The following PTPRD variants were observed in gnomAD, a reference collection of about 807,000 sequenced individuals.
The protein encoded by PTPRD is protein tyrosine phosphatase receptor type D.
PTPRD carries 34 observed loss-of-function variants against 214.5 expected under a neutral mutation model. The ratio of observed to expected loss-of-function variants is 0.16; its 90% CI spans 0.12 to 0.21. PTPRD has a LOEUF of 0.21. PTPRD is among the 10% of genes least tolerant of loss of function. The pLI is 1.00. For missense variants in PTPRD, 2,545 were observed against 2,398.7 expected (o/e 1.06, Z -1.27); for synonymous variants, 1,128 against 845.7 (o/e 1.33, Z -5.79).
chr9:9,665,866 T>C (rs1279239312), intron 7 of PTPRD, among the ~76,000 whole-genome samples: 1 of 151,918 alleles, frequency 6.6e-6, no homozygotes, highest in East Asian at 1.9e-4. Context: ...TAATTGGTAA[T>C]TTGATTGAAG....
rs2058162511 is a variant in PTPRD, at chr9:10,537,713, T to C, written c.-600+74685A>G. Among the ~76,000 whole-genome samples, 4 of 152,300 alleles carry C rather than the reference T, an allele frequency of 2.6e-5. No individual in the cohort carries two copies. The South Asian group carries it at 8.3e-4, about 32-fold the overall frequency. On this transcript the variant is annotated intron_variant, in intron 2 of 45. Coordinates refer to ENST00000381196, the MANE Select transcript of PTPRD (RefSeq NM_002839.4). ...TTCAGTGAGTTTCTGATTATATCCATATTTATATTTATCATCATAATGTCT... is the reference window on the plus strand; with the variant it reads ...TTCAGTGAGTTTCTGATTATATCCACATTTATATTTATCATCATAATGTCT...
chr9:9,176,457 A>C (rs2099924928), intron 10 of PTPRD, among the ~76,000 whole-genome samples: 1 of 152,116 alleles, frequency 6.6e-6, no homozygotes, highest in Non-Finnish European at 1.5e-5. Flanking sequence ...TTTATTAGGT[A>C]ATTTCCAACT....
In PTPRD at chr9:8,977,409, T is replaced by C. The variant is rs142016239; in HGVS notation, c.-104+41288A>G. On this transcript the variant is annotated intron_variant, in intron 11 of 45. Coordinates refer to ENST00000381196, the MANE Select transcript of PTPRD (RefSeq NM_002839.4). ...GGTTCTATTTAGTATTTCTAAATTA[T>C]CTTGTTCTAGCTCTCTTCATACATT... 2.6e-4 allele frequency among the ~76,000 whole-genome samples: 40 copies of C among 152,232 alleles called. No individual in the cohort carries two copies. The East Asian group carries it at 7.4e-3, about 28-fold the overall frequency.
chr9:9,622,131 T>C (rs2095264334), intron 7 of PTPRD, among the ~76,000 whole-genome samples: 1 of 152,238 alleles, frequency 6.6e-6, no homozygotes, highest in Non-Finnish European at 1.5e-5. Flanking sequence ...TGTGATTGTT[T>C]ATCAGATAGG....
At chr9:9,500,531 G>T (rs964527829) in intron 8 of PTPRD, among the ~76,000 whole-genome samples, 3 of 152,040 alleles carry the variant, frequency 2.0e-5, no homozygotes, top group Non-Finnish European at 4.4e-5. Flanking sequence ...TAGGGTATCA[G>T]GTAGGAGAGA....
intron 3 of PTPRD, among the ~76,000 whole-genome samples, chr9:10,092,083 G>A (rs1159793018): frequency 1.3e-5 from 2 of 151,348 alleles, no homozygotes; most frequent in Non-Finnish European, 3.0e-5. Flanking sequence ...ACCATATAAT[G>A]TATTTTCTGC....
At chr9:9,138,263 A>T (rs139344722) in intron 10 of PTPRD, among the ~76,000 whole-genome samples, 98 of 152,230 alleles carry the variant, frequency 6.4e-4, no homozygotes, top group Non-Finnish European at 1.2e-3. Flanking sequence ...CAGCTTTATC[A>T]TCTCCTAAAT....
intron 9 of PTPRD, among the ~76,000 whole-genome samples, chr9:9,235,432 C>T (rs966189931): frequency 6.6e-6 from 1 of 152,156 alleles, no homozygotes; most frequent in Non-Finnish European, 1.5e-5. Flanking sequence ...CATGGCTGTC[C>T]ACTCTTCATG....
At chr9:9,231,241 T>C (rs1249367890) in intron 9 of PTPRD, among the ~76,000 whole-genome samples, 2 of 152,178 alleles carry the variant, frequency 1.3e-5, no homozygotes, top group Non-Finnish European at 2.9e-5. Flanking sequence ...CAGAATTCCA[T>C]CCTTTGTACC....
chr9:8,490,549 T>C (rs1407417289), intron 27 of PTPRD, among the ~76,000 whole-genome samples: 5 of 152,354 alleles, frequency 3.3e-5, no homozygotes, highest in African/African-American at 4.8e-5. Flanking sequence ...CTGAAATTCA[T>C]GTAAAAATAT....
At chr9:10,063,159 G>A (rs1032605451) in intron 3 of PTPRD, among the ~76,000 whole-genome samples, 4 of 151,996 alleles carry the variant, frequency 2.6e-5, no homozygotes, top group African/African-American at 9.7e-5. Flanking sequence ...GTTATTCTAT[G>A]TAACAAGGTC....
intron 11 of PTPRD, among the ~76,000 whole-genome samples, chr9:8,985,772 T>C (rs993234348): frequency 2.0e-5 from 3 of 152,060 alleles, no homozygotes; most frequent in African/African-American, 7.2e-5. Context: ...CCACAATATA[T>C]TGTGCACCTA....
chr9:9,822,039 T>C (rs2050930446), intron 5 of PTPRD, among the ~76,000 whole-genome samples: 1 of 151,644 alleles, frequency 6.6e-6, no homozygotes, highest in Non-Finnish European at 1.5e-5. Context: ...ATCTGTACAT[T>C]TGCCAAAGGC....
chr9:8,903,838 A>G (rs2098689503), intron 11 of PTPRD, among the ~76,000 whole-genome samples: 2 of 146,648 alleles, frequency 1.4e-5, no homozygotes, highest in African/African-American at 2.8e-5. Flanking sequence ...GTTCATGGTA[A>G]TAATGGTTGA....
intron 6 of PTPRD, among the ~76,000 whole-genome samples, chr9:9,752,578 T>C (rs932729): frequency 0.82 from 124,051 of 151,846 alleles, 51,345 homozygotes; most frequent in African/African-American, 0.95. Context: ...GAACTCCAAA[T>C]TCTGCACATG....
chr9:10,477,215 A>T (rs927432696), intron 2 of PTPRD, among the ~76,000 whole-genome samples: 2 of 152,130 alleles, frequency 1.3e-5, no homozygotes, highest in African/African-American at 4.8e-5. Context: ...ATGGGATAAA[A>T]TTTTTGCAGT....
intron 11 of PTPRD, among the ~76,000 whole-genome samples, chr9:8,823,347 A>C (rs1420472418): frequency 6.6e-6 from 1 of 152,158 alleles, no homozygotes; most frequent in African/African-American, 2.4e-5. Flanking sequence ...CTCAACAGCA[A>C]TTGTACCTTT....
At chr9:9,626,668 T>C (rs2095434794) in intron 7 of PTPRD, among the ~76,000 whole-genome samples, 1 of 152,180 alleles carries the variant, frequency 6.6e-6, no homozygotes, top group African/African-American at 2.4e-5. Flanking sequence ...ATGACACAAG[T>C]ACTGTACATA....
rs1432817433 is a variant in PTPRD, at chr9:10,612,946, C to G, written c.-966G>C. ...CGGCTGGGCGGGGAGCCGAGGCGGC[C>G]GCTCCCGCACTCGCTCGCTCGCTCG... On this transcript the variant is annotated 5_prime_UTR_variant, in exon 1 of 46. Coordinates refer to ENST00000381196, the MANE Select transcript of PTPRD (RefSeq NM_002839.4). 6.6e-6 allele frequency among the ~76,000 whole-genome samples: 1 copy of G among 151,384 alleles called. No individual in the cohort carries two copies. The highest frequency in any genetic ancestry group is 2.0e-4 in the East Asian group (1 of 5,122).
Sources: allele counts gnomAD v4.1 joint callset (sites outside exome capture counted in the v4.1 genomes callset), GRCh38; gene constraint gnomAD v4.1.1; transcripts MANE v1.5; gene names NCBI Gene and HGNC (gene_info 2026-07-23, HGNC 2026-07-21).